POC1A: variants seen among roughly 807,000 people sequenced by gnomAD.
The protein encoded by POC1A is POC1 centriolar protein A.
A neutral mutation model predicts 47.8 loss-of-function variants in POC1A; 34 were observed. The ratio of observed to expected loss-of-function variants is 0.71; its 90% CI spans 0.54 to 0.95. The LOEUF (loss-of-function observed/expected upper bound fraction) is 0.95, where lower values mean the gene tolerates loss of function less well. Among genes scored for constraint, POC1A ranks in the 40% least tolerant of loss-of-function variants. The pLI is 0.00. For missense variants in POC1A, 466 were observed against 528.3 expected (o/e 0.88, Z 1.16); for synonymous variants, 177 against 207.6 (o/e 0.85, Z 1.27).
chr3:52,076,047 C>G, intron 10 of POC1A, 62 bp from the exon 11 acceptor site: 1 of 1,328,400 alleles, frequency 7.5e-7, no homozygotes, highest in Non-Finnish European at 1.1e-6. Flanking sequence ...TCTAGGGACC[C>G]CCTTGGCCAG....
chr3:52,075,770 C>A lies in POC1A; in HGVS notation c.*117G>T. The A allele has an allele frequency of 1.2e-6, 1 of 801,500 alleles. No homozygotes were observed. The highest frequency in any genetic ancestry group is 2.2e-6 in the Non-Finnish European group (1 of 463,238). 49.6% of individuals were successfully genotyped at this position (801,500 alleles called of 1,614,324 possible). A position where few individuals can be genotyped will look rare whatever the true frequency, so the allele number is the denominator to read the frequency against. ...GGCAGAACTGCAAAAATCCAGGGCT[C>A]CAGTATGGATGTGATTCCCACAGAG... On this transcript the variant is annotated 3_prime_UTR_variant, in exon 11 of 11. Transcript: ENST00000296484.
chr3:52,110,026 G>T (rs1703327043), intron 9 of POC1A, among the ~76,000 whole-genome samples: 1 of 152,058 alleles, frequency 6.6e-6, no homozygotes, highest in Middle Eastern at 3.2e-3. Flanking sequence ...GACAAATAAG[G>T]CCAGAAGGTA....
At chr3:52,144,641 C>T (rs1698307222) in intron 6 of POC1A, among the ~76,000 whole-genome samples, 1 of 152,216 alleles carries the variant, frequency 6.6e-6, no homozygotes, top group South Asian at 2.1e-4. Context: ...CTCCCAACAC[C>T]TCCTGTGAGA....
intron 6 of POC1A, among the ~76,000 whole-genome samples, chr3:52,145,232 C>T (rs898448849): frequency 6.6e-6 from 1 of 152,174 alleles, no homozygotes; most frequent in Non-Finnish European, 1.5e-5. Context: ...TCTAAGTCTG[C>T]CCTCGCCCTC....
At chr3:52,114,081 G>A (rs1261460849) in intron 9 of POC1A, among the ~76,000 whole-genome samples, 3 of 152,198 alleles carry the variant, frequency 2.0e-5, no homozygotes, top group Non-Finnish European at 4.4e-5. Context: ...CTCAGGCTGG[G>A]TCCCAGCCTC....
intron 9 of POC1A, among the ~76,000 whole-genome samples, chr3:52,122,105 T>C (rs1703801030): frequency 6.6e-6 from 1 of 152,186 alleles, no homozygotes; most frequent in Non-Finnish European, 1.5e-5. Context: ...AACAGCACCA[T>C]ATGCCATGGC....
chr3:52,149,712 T>G (rs1053686504), intron 3 of POC1A, 104 bp downstream of exon 3: 3 of 1,083,416 alleles, frequency 2.8e-6, no homozygotes, highest in Admixed American at 4.4e-5. Context: ...AGAGTAGAAG[T>G]CCCACTGTGA....
At chr3:52,143,518 C>A (rs897513669) in intron 6 of POC1A, among the ~76,000 whole-genome samples, 1 of 152,200 alleles carries the variant, frequency 6.6e-6, no homozygotes, top group Non-Finnish European at 1.5e-5. Context: ...CTCACTCTGG[C>A]TGCTTTGTGG....
chr3:52,077,133 T>C (rs1385877743), intron 10 of POC1A, among the ~76,000 whole-genome samples: 1 of 152,206 alleles, frequency 6.6e-6, no homozygotes, highest in African/African-American at 2.4e-5. Context: ...CCTTACTGTA[T>C]GCCAGGCCCC....
chr3:52,086,205 TGA>T (rs1702452736), intron 10 of POC1A, among the ~76,000 whole-genome samples: 1 of 152,154 alleles, frequency 6.6e-6, no homozygotes, highest in East Asian at 1.9e-4. Context: ...CCCACTGCTC[TGA>T]GTCTCAGGGA....
intron 9 of POC1A, among the ~76,000 whole-genome samples, chr3:52,115,472 G>C (rs1227983218): frequency 6.6e-6 from 1 of 152,156 alleles, no homozygotes; most frequent in Non-Finnish European, 1.5e-5. Context: ...ATAAATCTGT[G>C]TTCTCATTAA....
intron 7 of POC1A, among the ~76,000 whole-genome samples, chr3:52,132,764 G>A (rs1459913738): frequency 6.6e-6 from 1 of 152,150 alleles, no homozygotes; most frequent in African/African-American, 2.4e-5. Context: ...TGAATCCCCA[G>A]CCAGGCGTGG....
intron 1 of POC1A, among the ~76,000 whole-genome samples, chr3:52,153,293 CTAAG>C (rs990726328): frequency 1.5e-4 from 23 of 152,344 alleles, no homozygotes; most frequent in African/African-American, 5.3e-4. Flanking sequence ...TCCCCCTACT[CTAAG>C]TATCAGAAAC....
chr3:52,113,767 ATCT>A (rs372043858), intron 9 of POC1A, among the ~76,000 whole-genome samples: 203 of 152,348 alleles, frequency 1.3e-3, no homozygotes, highest in African/African-American at 4.6e-3. Flanking sequence ...CAAATATTGA[ATCT>A]TCTTTATTTT....
At chr3:52,105,059 T>G (rs1169349935) in intron 9 of POC1A, among the ~76,000 whole-genome samples, 1 of 152,220 alleles carries the variant, frequency 6.6e-6, no homozygotes, top group Non-Finnish European at 1.5e-5. Context: ...AAACTGAAAC[T>G]GTAATAAACA....
intron 9 of POC1A, among the ~76,000 whole-genome samples, chr3:52,114,902 C>T (rs971333252): frequency 2.0e-5 from 3 of 152,222 alleles, no homozygotes; most frequent in African/African-American, 4.8e-5. Flanking sequence ...CTCTCATTCA[C>T]ACCGATAAAA....
chr3:52,124,041 C>T (rs1480647178), intron 8 of POC1A, among the ~76,000 whole-genome samples: 1 of 152,200 alleles, frequency 6.6e-6, no homozygotes, highest in Non-Finnish European at 1.5e-5. Flanking sequence ...CTACCCTCTG[C>T]CTTACTGGAA....
At chr3:52,086,101 C>T (rs146052005) in intron 10 of POC1A, among the ~76,000 whole-genome samples, 13 of 152,250 alleles carry the variant, frequency 8.5e-5, no homozygotes, top group African/African-American at 2.9e-4. Flanking sequence ...TTGATGTGGG[C>T]GCCCCCATGA....
chr3:52,131,503 A>G (rs1285404763), intron 7 of POC1A, among the ~76,000 whole-genome samples: 2 of 152,144 alleles, frequency 1.3e-5, no homozygotes, highest in Non-Finnish European at 2.9e-5. Context: ...AAGACTTTCC[A>G]GAGCCTCAAA....
Sources: gnomAD v4.1 joint callset for allele counts (sites outside exome capture counted in the v4.1 genomes callset) on GRCh38, gnomAD v4.1.1 for gene constraint, MANE v1.5 for transcripts, NCBI Gene and HGNC (gene_info 2026-07-23, HGNC 2026-07-21) for gene names.